PDE7B: variants seen among roughly 807,000 people sequenced by gnomAD.
PDE7B encodes 3',5'-cyclic-AMP phosphodiesterase 7B.
PDE7B carries 29 observed loss-of-function variants against 56.2 expected under a neutral mutation model. The ratio of observed to expected loss-of-function variants is 0.52; its 90% CI spans 0.38 to 0.70. PDE7B has a LOEUF of 0.70. PDE7B is among the 30% of genes least tolerant of loss of function. The pLI is 0.00. For synonymous variants in PDE7B, 197 were observed against 196.9 expected (o/e 1.00, Z 0.00); for missense variants, 490 against 565.0 (o/e 0.87, Z 1.35).
chr6:136,190,684 C>G (rs1050915155), intron 12 of PDE7B, among the ~76,000 whole-genome samples: 3 of 152,024 alleles, frequency 2.0e-5, no homozygotes, highest in African/African-American at 7.3e-5. Flanking sequence ...ATTAACGCGG[C>G]AAAACGCGAT....
At chr6:135,912,592 A>G (rs1776231519) in intron 1 of PDE7B, among the ~76,000 whole-genome samples, 1 of 152,140 alleles carries the variant, frequency 6.6e-6, no homozygotes, top group African/African-American at 2.4e-5. Context: ...GAAGAAACTG[A>G]GAGAACAAGC....
intron 2 of PDE7B, among the ~76,000 whole-genome samples, chr6:135,978,217 T>G (rs1775226198): frequency 6.6e-6 from 1 of 152,196 alleles, no homozygotes; most frequent in Non-Finnish European, 1.5e-5. Flanking sequence ...TGCTGAATAC[T>G]GTAGGCAATT....
intron 2 of PDE7B, among the ~76,000 whole-genome samples, chr6:136,105,866 G>C (rs1472652529): frequency 1.3e-5 from 2 of 152,212 alleles, no homozygotes; most frequent in African/African-American, 4.8e-5. Flanking sequence ...CGCTGCCCTA[G>C]ATTGTCAGGT....
chr6:135,994,116 C>CTGTGTGTGTG lies in PDE7B; in HGVS notation c.82+46632_82+46641dup, dbSNP rs3220309. Among the ~76,000 whole-genome samples, 243 of 138,714 alleles carry CTGTGTGTGTG rather than the reference C, an allele frequency of 1.8e-3. 1 individual carries two copies. Among genetic ancestry groups the CTGTGTGTGTG allele is most frequent in the South Asian group, 8.1e-3 (32 of 3,956 alleles). 91.0% of individuals were successfully genotyped at this position (138,714 alleles called of 152,430 possible). On this transcript the variant is annotated intron_variant, in intron 2 of 12. Coordinates refer to ENST00000308191, the MANE Select transcript of PDE7B (RefSeq NM_018945.4). ...AAAGTTGCCTGTTCTTGTATTGGAT[C>CTGTGTGTGTG]TGTGTGTGTGTGTGTGTGTGTGTGT...
intron 2 of PDE7B, among the ~76,000 whole-genome samples, chr6:135,982,417 T>C (rs1775312649): frequency 6.6e-6 from 1 of 152,164 alleles, no homozygotes; most frequent in South Asian, 2.1e-4. Context: ...TTTCTGCTAC[T>C]TTCTTCTCTC....
At chr6:136,155,986 T>G in intron 8 of PDE7B, 1 of 663,780 alleles carries the variant, frequency 1.5e-6, no homozygotes, top group Non-Finnish European at 2.8e-6. Context: ...AGGAATTAGC[T>G]CATGTCGATA....
chr6:135,988,564 G>A (rs1775421662), intron 2 of PDE7B, among the ~76,000 whole-genome samples: 1 of 152,120 alleles, frequency 6.6e-6, no homozygotes, highest in Non-Finnish European at 1.5e-5. Context: ...TATAAAGACC[G>A]AAGTAATCTA....
intron 1 of PDE7B, among the ~76,000 whole-genome samples, chr6:135,945,140 G>T (rs1412981587): frequency 9.9e-5 from 15 of 152,120 alleles, no homozygotes; most frequent in Admixed American, 9.8e-4. Context: ...ATTTGAAAAG[G>T]TTTAATGTCT....
chr6:136,150,546 A>G (rs1448011210), intron 5 of PDE7B, among the ~76,000 whole-genome samples: 1 of 152,200 alleles, frequency 6.6e-6, no homozygotes, highest in African/African-American at 2.4e-5. Flanking sequence ...TGGGTTCTCT[A>G]TTCTGTTCCA....
At chr6:136,133,397 A>G (rs926645847) in intron 3 of PDE7B, among the ~76,000 whole-genome samples, 23 of 152,152 alleles carry the variant, frequency 1.5e-4, no homozygotes, top group Non-Finnish European at 4.4e-5. Flanking sequence ...ACTTATAATC[A>G]TTTAGGAAAA....
chr6:136,084,124 C>T (rs1032636725), intron 2 of PDE7B, among the ~76,000 whole-genome samples: 3 of 152,076 alleles, frequency 2.0e-5, no homozygotes, highest in East Asian at 1.9e-4. Flanking sequence ...GAAATCATTT[C>T]GATCATTTCA....
intron 1 of PDE7B, among the ~76,000 whole-genome samples, chr6:135,855,336 C>T (rs925743126): frequency 6.6e-6 from 1 of 151,968 alleles, no homozygotes; most frequent in South Asian, 2.1e-4. Context: ...CATTAGGAAA[C>T]GTATTCTGGT....
At chr6:136,060,768 T>G (rs1776823701) in intron 2 of PDE7B, among the ~76,000 whole-genome samples, 1 of 152,192 alleles carries the variant, frequency 6.6e-6, no homozygotes, top group African/African-American at 2.4e-5. Context: ...CTGAGTAAAT[T>G]CAAGGTTATA....
At chr6:136,127,645 T>C (rs958322764) in intron 3 of PDE7B, among the ~76,000 whole-genome samples, 5 of 152,180 alleles carry the variant, frequency 3.3e-5, no homozygotes, top group Non-Finnish European at 7.3e-5. Context: ...AGAAAAACAC[T>C]CAAGAGTTAG....
At position 136,193,630 on chromosome 6, in the gene PDE7B, G is replaced by A. The variant is rs541219938; in HGVS notation, c.*1790G>A. ...CCCCTTTCTTTTTACTTTAAACAAT[G>A]TGGTAGTGGGAGAATGACTGTTTCT... On this transcript the variant is annotated 3_prime_UTR_variant, in exon 13 of 13. Coordinates refer to ENST00000308191, the MANE Select transcript of PDE7B (RefSeq NM_018945.4). 2.0e-5 allele frequency: 3 copies of A among 152,328 alleles called. No individual in the cohort carries two copies. In the East Asian group the frequency reaches 5.8e-4, roughly 29 times the overall value. The allele number at this position is 152,328 out of a possible 1,614,324, so 9.4% of individuals were successfully genotyped here. A position where few individuals can be genotyped will look rare whatever the true frequency, so the allele number is the denominator to read the frequency against.
rs752187218 is a variant in PDE7B, at chr6:136,191,013, C to CTTTTTTTTTTTTTTTTTTTT, written c.1127-596_1127-577dup. Among the ~76,000 whole-genome samples the CTTTTTTTTTTTTTTTTTTTT allele has an allele frequency of 3.4e-4, 34 of 99,278 alleles. 1 individual carries two copies. Among genetic ancestry groups the CTTTTTTTTTTTTTTTTTTTT allele is most frequent in the African/African-American group, 2.7e-3 (30 of 11,116 alleles). 65.1% of individuals were successfully genotyped at this position (99,278 alleles called of 152,430 possible). Reference sequence around the variant, plus strand: ...CTGCCTTCTTTAGCTCCAGCATACACTTTTTTTTTTTTTTTTTTTTTTTTA... The same window carrying CTTTTTTTTTTTTTTTTTTTT: ...CTGCCTTCTTTAGCTCCAGCATACACTTTTTTTTTTTTTTTTTTTTTTTTTTTTTTTTTTTTTTTTTTTTA... On this transcript the variant is annotated intron_variant, in intron 12 of 12. Transcript: ENST00000308191.
At chr6:136,128,532 G>T (rs1045665873) in intron 3 of PDE7B, among the ~76,000 whole-genome samples, 5 of 152,028 alleles carry the variant, frequency 3.3e-5, no homozygotes, top group South Asian at 4.2e-4. Flanking sequence ...ATTAGCTCTG[G>T]TTATTTTGTT....
intron 3 of PDE7B, among the ~76,000 whole-genome samples, chr6:136,123,644 C>G (rs889915255): frequency 3.3e-5 from 5 of 152,198 alleles, no homozygotes; most frequent in Non-Finnish European, 7.3e-5. Context: ...TCAAAAACTC[C>G]TAACACAAAA....
intron 1 of PDE7B, among the ~76,000 whole-genome samples, chr6:135,853,795 A>C (rs1286988401): frequency 1.3e-5 from 2 of 152,152 alleles, no homozygotes; most frequent in Non-Finnish European, 1.5e-5. Flanking sequence ...ACAGGCATTA[A>C]TTTAGGGAAA....
Sources: gnomAD v4.1 joint callset for allele counts (sites outside exome capture counted in the v4.1 genomes callset) on GRCh38, gnomAD v4.1.1 for gene constraint, MANE v1.5 for transcripts, NCBI Gene and HGNC (gene_info 2026-07-23, HGNC 2026-07-21) for gene names.